The following SLC35F1 variants were observed in gnomAD, a reference collection of about 807,000 sequenced individuals.
SLC35F1 encodes solute carrier family 35 member F1.
A neutral mutation model predicts 48.7 loss-of-function variants in SLC35F1; 14 were observed. The ratio of observed to expected loss-of-function variants is 0.29; its 90% CI spans 0.19 to 0.45. The LOEUF (loss-of-function observed/expected upper bound fraction) is 0.45, where lower values mean the gene tolerates loss of function less well. Ranked by LOEUF, SLC35F1 falls within the 20% of genes least tolerant of loss-of-function variation. The pLI is 1.00. For missense variants in SLC35F1, 404 were observed against 500.0 expected (o/e 0.81, Z 1.83); for synonymous variants, 190 against 202.2 (o/e 0.94, Z 0.51).
intron 3 of SLC35F1, among the ~76,000 whole-genome samples, chr6:118,260,968 A>G (rs1250341112): frequency 1.3e-5 from 2 of 152,166 alleles, no homozygotes; most frequent in Non-Finnish European, 2.9e-5. Context: ...AAAACTCTGA[A>G]GTTACTCTGT....
At chr6:118,207,939 T>C (rs1774956122) in intron 2 of SLC35F1, among the ~76,000 whole-genome samples, 1 of 152,238 alleles carries the variant, frequency 6.6e-6, no homozygotes, top group African/African-American at 2.4e-5. Context: ...CATTCCCTTT[T>C]GGGATTGGGG....
intron 1 of SLC35F1, among the ~76,000 whole-genome samples, chr6:117,926,564 A>G (rs1582567312): frequency 6.6e-6 from 1 of 152,078 alleles, no homozygotes; most frequent in East Asian, 1.9e-4. Context: ...AGTGGGGGTT[A>G]TAGAGAATAG....
intron 1 of SLC35F1, among the ~76,000 whole-genome samples, chr6:118,150,787 A>G (rs1407712631): frequency 1.3e-5 from 2 of 152,232 alleles, no homozygotes; most frequent in Non-Finnish European, 2.9e-5. Context: ...TATTATTTTA[A>G]CTATCATTGA....
At chr6:118,105,917 C>T (rs1417133103) in intron 1 of SLC35F1, among the ~76,000 whole-genome samples, 1 of 152,114 alleles carries the variant, frequency 6.6e-6, no homozygotes, top group Non-Finnish European at 1.5e-5. Context: ...TCAAAGGACC[C>T]TTAACATTAC....
chr6:117,924,452 CTA>C (rs1562239414), intron 1 of SLC35F1, among the ~76,000 whole-genome samples: 1 of 98,018 alleles, frequency 1.0e-5, no homozygotes, highest in Non-Finnish European at 2.2e-5. Flanking sequence ...ATACACATAC[CTA>C]TATGTGTGTA....
intron 2 of SLC35F1, among the ~76,000 whole-genome samples, chr6:118,206,345 G>T (rs1005019875): frequency 6.6e-6 from 1 of 152,072 alleles, no homozygotes; most frequent in African/African-American, 2.4e-5. Context: ...TTCACAGGGG[G>T]CCAATTTTGG....
At chr6:118,011,067 T>G (rs951531583) in intron 1 of SLC35F1, among the ~76,000 whole-genome samples, 3 of 152,150 alleles carry the variant, frequency 2.0e-5, no homozygotes, top group African/African-American at 7.2e-5. Context: ...AATAGTACAG[T>G]GGTCCCCAAC....
At chr6:118,091,715 G>A (rs1773076411) in intron 1 of SLC35F1, among the ~76,000 whole-genome samples, 1 of 152,186 alleles carries the variant, frequency 6.6e-6, no homozygotes, top group Non-Finnish European at 1.5e-5. Context: ...GCAAAGGTTG[G>A]AACAGTTTGG....
At chr6:118,171,968 A>G (rs1774410791) in intron 2 of SLC35F1, among the ~76,000 whole-genome samples, 1 of 152,178 alleles carries the variant, frequency 6.6e-6, no homozygotes, top group Admixed American at 6.5e-5. Context: ...ATAATATAGG[A>G]ATTTATACCA....
chr6:117,940,460 A>G (rs1342745585), intron 1 of SLC35F1, among the ~76,000 whole-genome samples: 3 of 152,220 alleles, frequency 2.0e-5, no homozygotes, highest in Non-Finnish European at 4.4e-5. Context: ...TAAAAATAGA[A>G]CTACCATGTG....
intron 2 of SLC35F1, among the ~76,000 whole-genome samples, chr6:118,224,453 G>C (rs1449509695): frequency 2.6e-5 from 4 of 152,164 alleles, no homozygotes; most frequent in Non-Finnish European, 5.9e-5. Context: ...GGAGTGCAGT[G>C]ACATGATCTC....
At chr6:118,194,777 T>A (rs1438791137) in intron 2 of SLC35F1, among the ~76,000 whole-genome samples, 4 of 152,184 alleles carry the variant, frequency 2.6e-5, no homozygotes, top group Admixed American at 1.3e-4. Context: ...TGTAAGAAAT[T>A]CTTGCCCTTT....
rs1451451181 is a variant in SLC35F1 at position 117,954,359 on chromosome 6, GA to G, written c.173+46461del. Among the ~76,000 whole-genome samples, 3 of 152,212 alleles carry G rather than the reference GA, an allele frequency of 2.0e-5. No individual in the cohort carries two copies. In the East Asian group the frequency reaches 5.8e-4, roughly 29 times the overall value. The stretch of plus-strand genomic sequence containing the variant: ...CAACGTCCACCTCCTGGCTTCAAGG[GA>G]TTCTCCTGCCTCAGCCTCCCGAGTA... On this transcript the variant is annotated intron_variant, in intron 1 of 7. Coordinates refer to ENST00000360388, the MANE Select transcript of SLC35F1 (RefSeq NM_001029858.4).
Position 118,195,998 on chromosome 6 carries a change from A to G in SLC35F1, c.350-39511A>G, listed in dbSNP as rs6569005. Among the ~76,000 whole-genome samples, 263 of 152,292 alleles carry G rather than the reference A, an allele frequency of 1.7e-3. 1 individual carries two copies. The highest frequency in any genetic ancestry group is 5.7e-3 in the African/African-American group (236 of 41,566). On this transcript the variant is annotated intron_variant, in intron 2 of 7. Coordinates refer to ENST00000360388, the MANE Select transcript of SLC35F1 (RefSeq NM_001029858.4). ...TTTAAAGGAATTTAATCAAGCAATG[A>G]ATGATTCACAATTTGGGCAGCCCCC...
At position 118,316,299 on chromosome 6, in the gene SLC35F1, T is replaced by C. The variant is rs1001013405; in HGVS notation, c.*2047T>C. 1 of 152,664 alleles carries C rather than the reference T, an allele frequency of 6.6e-6. No homozygotes were observed. Among genetic ancestry groups the C allele is most frequent in the African/African-American group, 2.4e-5 (1 of 41,472 alleles). 9.5% of individuals were successfully genotyped at this position (152,664 alleles called of 1,614,324 possible). ...TCAGTTCAGCCCCCTAGGAAACATGTTTTATTTTCCATGGGGAAAATATCA... is the reference window on the plus strand; with the variant it reads ...TCAGTTCAGCCCCCTAGGAAACATGCTTTATTTTCCATGGGGAAAATATCA... On this transcript the variant is annotated 3_prime_UTR_variant, in exon 8 of 8. Transcript: ENST00000360388.
rs147769584 is a variant in SLC35F1 at position 118,103,831 on chromosome 6, G to C, written c.174-50614G>C. Reference sequence around the variant, plus strand: ...GCAACCTTGAAATGTTTTTTTTTCTGATCTCACATTTTAGTTTTCTGTCAT... The same window carrying C: ...GCAACCTTGAAATGTTTTTTTTTCTCATCTCACATTTTAGTTTTCTGTCAT... On this transcript the variant is annotated intron_variant, in intron 1 of 7. Coordinates refer to ENST00000360388, the MANE Select transcript of SLC35F1 (RefSeq NM_001029858.4). Among the ~76,000 whole-genome samples, 13 of 151,444 alleles carry C rather than the reference G, an allele frequency of 8.6e-5. No homozygotes were observed. The East Asian group carries it at 2.5e-3, about 29-fold the overall frequency.
chr6:118,023,201 C>G (rs1777419931), intron 1 of SLC35F1, among the ~76,000 whole-genome samples: 1 of 152,104 alleles, frequency 6.6e-6, no homozygotes, highest in African/African-American at 2.4e-5. Context: ...TTCTGAAGAT[C>G]AAAGTAAGGT....
intron 2 of SLC35F1, among the ~76,000 whole-genome samples, chr6:118,234,560 ACTTGAG>A (rs1775337593): frequency 6.6e-6 from 1 of 152,228 alleles, no homozygotes; most frequent in Non-Finnish European, 1.5e-5. Flanking sequence ...TACTAGGAGA[ACTTGAG>A]CTGGAGACAC....
intron 1 of SLC35F1, among the ~76,000 whole-genome samples, chr6:117,936,288 C>T (rs890553714): frequency 6.6e-6 from 1 of 152,154 alleles, no homozygotes; most frequent in Non-Finnish European, 1.5e-5. Flanking sequence ...TCCTCACATG[C>T]TGTGTAGGTC....
Sources: allele counts gnomAD v4.1 joint callset (sites outside exome capture counted in the v4.1 genomes callset), GRCh38; gene constraint gnomAD v4.1.1; transcripts MANE v1.5; gene names NCBI Gene and HGNC (gene_info 2026-07-23, HGNC 2026-07-21).